The following RNF130 variants were observed in gnomAD, a reference collection of about 807,000 sequenced individuals.
RNF130 encodes E3 ubiquitin-protein ligase RNF130.
RNF130 carries 21 observed loss-of-function variants against 44.6 expected under a neutral mutation model. The ratio of observed to expected loss-of-function variants is 0.47; its 90% confidence interval spans 0.33 to 0.68. The LOEUF (loss-of-function observed/expected upper bound fraction) is 0.68. Among genes scored for constraint, RNF130 ranks in the 30% least tolerant of loss-of-function variants. RNF130 has a pLI of 0.02. For missense variants in RNF130, 479 were observed against 560.6 expected (o/e 0.85, Z 1.47); for synonymous variants, 214 against 210.4 (o/e 1.02, Z -0.15).
chr5:180,061,068 C>CA (rs57744473), intron 1 of RNF130, among the ~76,000 whole-genome samples: 31,159 of 53,586 alleles, frequency 0.58, 10,570 homozygotes, highest in Non-Finnish European at 0.6. Flanking sequence ...GACTCCGTCT[C>CA]AAAAAAAAAA....
intron 3 of RNF130, among the ~76,000 whole-genome samples, chr5:179,990,987 T>C (rs1014753100): frequency 1.3e-5 from 2 of 152,274 alleles, no homozygotes; most frequent in Admixed American, 1.3e-4. Flanking sequence ...CCTCGGTCTC[T>C]TGCCTCGGCA....
chr5:180,022,596 G>A (rs1191454734), intron 2 of RNF130, among the ~76,000 whole-genome samples: 1 of 152,136 alleles, frequency 6.6e-6, no homozygotes, highest in Non-Finnish European at 1.5e-5. Context: ...TGTAATGTTT[G>A]GAAGCCACGG....
At chr5:180,012,708 G>A (rs959690697) in intron 3 of RNF130, among the ~76,000 whole-genome samples, 2 of 152,118 alleles carry the variant, frequency 1.3e-5, no homozygotes, top group African/African-American at 4.8e-5. Flanking sequence ...GAAGAGTGAA[G>A]TCTCCCTAAC....
chr5:179,991,258 A>C (rs1763076343), intron 3 of RNF130, among the ~76,000 whole-genome samples: 1 of 152,156 alleles, frequency 6.6e-6, no homozygotes, highest in Admixed American at 6.6e-5. Context: ...ACTGACTTTA[A>C]GCAATCTGAT....
At chr5:180,065,890 C>T (rs1163854336) in intron 1 of RNF130, among the ~76,000 whole-genome samples, 1 of 151,946 alleles carries the variant, frequency 6.6e-6, no homozygotes, top group Non-Finnish European at 1.5e-5. Context: ...TTATTCACAA[C>T]TGCCTCGGAA....
At chr5:179,964,866 T>C (rs1582145769) in intron 7 of RNF130, among the ~76,000 whole-genome samples, 1 of 152,158 alleles carries the variant, frequency 6.6e-6, no homozygotes, top group Non-Finnish European at 1.5e-5. Flanking sequence ...TCCTCATCAG[T>C]AGATTGAAGC....
chr5:180,066,750 C>T (rs1337778003), intron 1 of RNF130, among the ~76,000 whole-genome samples: 2 of 151,916 alleles, frequency 1.3e-5, no homozygotes, highest in African/African-American at 2.4e-5. Context: ...GGCAGGAAGG[C>T]GGAACCCGGG....
intron 3 of RNF130, among the ~76,000 whole-genome samples, chr5:179,995,525 T>C (rs1763181015): frequency 6.6e-6 from 1 of 152,192 alleles, no homozygotes. Flanking sequence ...GGCCACAGGA[T>C]TCCCACACAG....
chr5:179,945,012 AC>A (rs1373001532), intron 7 of RNF130, among the ~76,000 whole-genome samples: 1 of 152,212 alleles, frequency 6.6e-6, no homozygotes, highest in Non-Finnish European at 1.5e-5. Flanking sequence ...GGGGTGGCTC[AC>A]GCCTATAATC....
chr5:179,931,668 G>A (rs1232300496), intron 7 of RNF130, among the ~76,000 whole-genome samples: 3 of 152,012 alleles, frequency 2.0e-5, no homozygotes, highest in Non-Finnish European at 4.4e-5. Flanking sequence ...CCAGCTACTC[G>A]GGAGGCTGAG....
downstream of RNF130, among the ~76,000 whole-genome samples, chr5:179,953,950 A>C (rs1364664547): frequency 6.6e-6 from 1 of 152,214 alleles, no homozygotes; most frequent in African/African-American, 2.4e-5. Flanking sequence ...CGGGATAGAC[A>C]TTTCTCCAAA....
intron 7 of RNF130, among the ~76,000 whole-genome samples, chr5:179,938,891 TA>T (rs890577862): frequency 5.3e-4 from 80 of 152,248 alleles, no homozygotes; most frequent in African/African-American, 1.8e-3. Flanking sequence ...ATGCTGGCGT[TA>T]GGGTACAATC....
At chr5:180,016,533 C>G (rs1763738917) in intron 2 of RNF130, among the ~76,000 whole-genome samples, 1 of 152,228 alleles carries the variant, frequency 6.6e-6, no homozygotes, top group Non-Finnish European at 1.5e-5. Flanking sequence ...CGCTCCCACG[C>G]ACTTCCACGT....
Position 179,937,904 on chromosome 5 carries a change from C to CTGTGTGTG in RNF130, c.1151-17486_1151-17479dup, listed in dbSNP as rs757837790. 6.1e-3 allele frequency among the ~76,000 whole-genome samples: 725 copies of CTGTGTGTG among 119,406 alleles called. 10 individuals carry two copies. Among genetic ancestry groups the CTGTGTGTG allele is most frequent in the East Asian group, 0.035 (130 of 3,704 alleles). The allele number at this position is 119,406 out of a possible 152,430, so 78.3% of individuals were successfully genotyped here. On this transcript the variant is annotated intron_variant, in intron 7 of 7. Transcript: ENST00000522208. Reference sequence around the variant, plus strand: ...GTGTTGACATATGCTTTCAATGAATCTGTGTGTGTGTGTGTGTGTGTGTGT... The same window carrying CTGTGTGTG: ...GTGTTGACATATGCTTTCAATGAATCTGTGTGTGTGTGTGTGTGTGTGTGTGTGTGTGT...
chr5:179,974,379 C>T (rs371427028), intron 5 of RNF130, among the ~76,000 whole-genome samples: 7 of 152,232 alleles, frequency 4.6e-5, no homozygotes, highest in African/African-American at 9.6e-5. Context: ...GACAGTTCCT[C>T]GGTTTCTAAG....
At chr5:180,050,039 G>C (rs1212519043) in intron 1 of RNF130, among the ~76,000 whole-genome samples, 3 of 152,304 alleles carry the variant, frequency 2.0e-5, no homozygotes, top group Non-Finnish European at 4.4e-5. Context: ...CAAGCATGGT[G>C]GCTTAAACAA....
chr5:180,039,089 T>C (rs549700463), intron 2 of RNF130, among the ~76,000 whole-genome samples: 4 of 152,214 alleles, frequency 2.6e-5, no homozygotes, highest in East Asian at 1.9e-4. Flanking sequence ...TTGCTTTCCC[T>C]GAATAAATTA....
At chr5:180,056,459 T>C (rs1284112090) in intron 1 of RNF130, among the ~76,000 whole-genome samples, 2 of 152,070 alleles carry the variant, frequency 1.3e-5, no homozygotes, top group African/African-American at 4.8e-5. Flanking sequence ...TTTGGATCAA[T>C]AGGACCCAGT....
intron 1 of RNF130, among the ~76,000 whole-genome samples, chr5:180,064,693 G>A (rs1765062288): frequency 6.6e-6 from 1 of 152,180 alleles, no homozygotes; most frequent in Non-Finnish European, 1.5e-5. Flanking sequence ...CCTGTGAGAT[G>A]AATACACTGA....
Sources: allele counts gnomAD v4.1 joint callset (sites outside exome capture counted in the v4.1 genomes callset), GRCh38; gene constraint gnomAD v4.1.1; transcripts MANE v1.5; gene names NCBI Gene and HGNC (gene_info 2026-07-23, HGNC 2026-07-21).